Variants in CHST8 observed in about 807,000 individuals in gnomAD.
CHST8 encodes carbohydrate sulfotransferase 8, also known as GALNAC-4-ST1.
A neutral mutation model predicts 15.0 loss-of-function variants in CHST8; 10 were observed. That is an observed-to-expected ratio of 0.67 (90% confidence interval 0.41 to 1.13). The LOEUF (loss-of-function observed/expected upper bound fraction) is 1.13, where lower values mean the gene tolerates loss of function less well. CHST8 is among the 50% of genes most tolerant of loss of function. The pLI is 0.00. For synonymous variants in CHST8, 259 were observed against 256.6 expected (o/e 1.01, Z -0.09); for missense variants, 634 against 608.2 (o/e 1.04, Z -0.45).
At chr19:33,760,185 C>T (rs1023637278) in intron 3 of CHST8, among the ~76,000 whole-genome samples, 1 of 152,028 alleles carries the variant, frequency 6.6e-6, no homozygotes, top group Non-Finnish European at 1.5e-5. Flanking sequence ...CTTTGAGACT[C>T]TCCTGGGCCT....
chr19:33,649,574 G>C (rs58512973), intron 1 of CHST8, among the ~76,000 whole-genome samples: 1,753 of 152,232 alleles, frequency 0.012, 24 homozygotes, highest in African/African-American at 0.035. Flanking sequence ...CATGAGGGGG[G>C]TCTGGACGCA....
At position 33,687,928 on chromosome 19, in the gene CHST8, C is replaced by T. The variant is rs148739107; in HGVS notation, c.-86-1248C>T. Among the ~76,000 whole-genome samples, 797 of 152,304 alleles carry T rather than the reference C, an allele frequency of 5.2e-3. 6 individuals carry two copies. Among genetic ancestry groups the T allele is most frequent in the African/African-American group, 0.017 (714 of 41,570 alleles). ...TTTGACCTGGGGCTTAAACAGCCAC[C>T]CAGCTGTGGCCTCAGAGGCTACTGG... On this transcript the variant is annotated intron_variant, in intron 2 of 4. Transcript: ENST00000650847.
chr19:33,645,185 C>T (rs1047448460), intron 1 of CHST8, among the ~76,000 whole-genome samples: 1 of 152,018 alleles, frequency 6.6e-6, no homozygotes, highest in Non-Finnish European at 1.5e-5. Context: ...GTGAAAGGAA[C>T]GGCGAGGAAG....
chr19:33,673,897 G>A (rs986588592), intron 2 of CHST8, among the ~76,000 whole-genome samples: 12 of 152,184 alleles, frequency 7.9e-5, no homozygotes, highest in South Asian at 2.1e-4. Context: ...GGGAATACAG[G>A]CTCGCGCCAT....
intron 3 of CHST8, among the ~76,000 whole-genome samples, chr19:33,711,956 A>G (rs1287457620): frequency 2.0e-5 from 3 of 152,212 alleles, no homozygotes; most frequent in Non-Finnish European, 4.4e-5. Context: ...AAAATAATAA[A>G]CACTAATTTT....
chr19:33,757,534 A>G (rs372856047), intron 3 of CHST8, among the ~76,000 whole-genome samples: 1,410 of 49,654 alleles, frequency 0.028, 245 homozygotes, highest in Non-Finnish European at 0.039. Flanking sequence ...GAAAGAAAGA[A>G]AGAAAGAAAG....
At position 33,772,749 on chromosome 19, in the gene CHST8, C is replaced by A; in HGVS notation, c.961C>A (p.Pro321Thr). The change falls in exon 5 of 5, where the codon CCC (proline) becomes ACC (threonine). Residue 321 changes from proline (P) to threonine (T), a missense_variant. Physicochemically the swap from Pro to Thr is conservative, Grantham distance 38 (BLOSUM62 -1). Transcript: ENST00000650847. ...FVQYLLDVHR[P>T]VGMDIHWDHV... The stretch of plus-strand genomic sequence containing the variant: ...CCAGTACCTGCTGGACGTGCACCGG[C>A]CCGTGGGGATGGACATTCACTGGGA... 6.2e-7 allele frequency: 1 copy of A among 1,613,442 alleles called. No individual in the cohort carries two copies.
At chr19:33,716,952 C>T (rs1390691933) in intron 3 of CHST8, among the ~76,000 whole-genome samples, 1 of 152,062 alleles carries the variant, frequency 6.6e-6, no homozygotes, top group Non-Finnish European at 1.5e-5. Flanking sequence ...TTTCCCTCTG[C>T]CCCTGTCTGC....
intron 3 of CHST8, among the ~76,000 whole-genome samples, chr19:33,743,701 G>T (rs1023425278): frequency 6.6e-6 from 1 of 152,130 alleles, no homozygotes; most frequent in Non-Finnish European, 1.5e-5. Context: ...GTCTCCTGGG[G>T]TCGTTGCTGC....
In CHST8 at chr19:33,773,114, TC is replaced by T. The variant is rs1286021135; in HGVS notation, c.*54del. On this transcript the variant is annotated 3_prime_UTR_variant, in exon 5 of 5. Coordinates refer to ENST00000650847, the MANE Select transcript of CHST8 (RefSeq NM_001127895.2). ...CCCTGCCCCGGTCACTCACCTGTGC[TC>T]CCGGGCATCCTCCTGTCCCTGGCTC... 1.3e-6 allele frequency: 2 copies of T among 1,518,768 alleles called. No homozygotes were observed. The highest frequency in any genetic ancestry group is 2.5e-5 in the South Asian group (2 of 79,186). 94.1% of individuals were successfully genotyped at this position (1,518,768 alleles called of 1,614,324 possible). A position where few individuals can be genotyped will look rare whatever the true frequency, so the allele number is the denominator to read the frequency against.
chr19:33,765,597 CTG>C (rs1441149053), intron 3 of CHST8, among the ~76,000 whole-genome samples: 3 of 150,838 alleles, frequency 2.0e-5, no homozygotes, highest in African/African-American at 7.3e-5. Context: ...GAGTCTTACT[CTG>C]TTGCCAGGTT....
At chr19:33,682,965 C>T (rs997410165) in intron 2 of CHST8, among the ~76,000 whole-genome samples, 2 of 152,294 alleles carry the variant, frequency 1.3e-5, no homozygotes, top group South Asian at 2.1e-4. Flanking sequence ...CTTCAGGAAG[C>T]TCACAATCAT....
At chr19:33,757,494 GA>G (rs1974601604) in intron 3 of CHST8, among the ~76,000 whole-genome samples, 2 of 47,072 alleles carry the variant, frequency 4.2e-5, no homozygotes, top group Non-Finnish European at 8.6e-5. Context: ...AAGAAAGAAA[GA>G]AAGAAAGAAA....
chr19:33,771,844 C>G, intron 4 of CHST8, 113 bp from the exon 5 acceptor site: 1 of 1,271,342 alleles, frequency 7.9e-7, no homozygotes, highest in Non-Finnish European at 1.1e-6. Flanking sequence ...GTCAGCCTGT[C>G]TCCCTCACCT....
At chr19:33,712,726 C>T (rs572338577) in intron 3 of CHST8, among the ~76,000 whole-genome samples, 1 of 152,264 alleles carries the variant, frequency 6.6e-6, no homozygotes, top group African/African-American at 2.4e-5. Context: ...TGGGAGCACT[C>T]CCTCTATCCT....
intron 3 of CHST8, among the ~76,000 whole-genome samples, chr19:33,761,856 T>G (rs1974735837): frequency 1.3e-5 from 2 of 148,282 alleles, no homozygotes; most frequent in African/African-American, 2.5e-5. Flanking sequence ...AGGAAGGAAG[T>G]GGGGGAGGGA....
chr19:33,684,165 T>C (rs570124626), intron 2 of CHST8, among the ~76,000 whole-genome samples: 1 of 152,264 alleles, frequency 6.6e-6, no homozygotes, highest in South Asian at 2.1e-4. Flanking sequence ...GTGCTCCTAG[T>C]AGGGCTATGG....
intron 3 of CHST8, among the ~76,000 whole-genome samples, chr19:33,760,998 T>TG (rs939158063): frequency 6.6e-6 from 1 of 152,140 alleles, no homozygotes; most frequent in Non-Finnish European, 1.5e-5. Context: ...AATGGATACA[T>TG]GGGGGCAGAT....
chr19:33,749,077 C>A (rs1322265124), intron 3 of CHST8, among the ~76,000 whole-genome samples: 1 of 152,122 alleles, frequency 6.6e-6, no homozygotes, highest in Non-Finnish European at 1.5e-5. Flanking sequence ...GCAGGAGAGG[C>A]CCTGGTGGGC....
Sources: allele counts gnomAD v4.1 joint callset (sites outside exome capture counted in the v4.1 genomes callset), GRCh38; gene constraint gnomAD v4.1.1; transcripts MANE v1.5; gene names NCBI Gene and HGNC (gene_info 2026-07-23, HGNC 2026-07-21).